Variants in ARHGAP15 observed in about 807,000 individuals in gnomAD.
The protein encoded by ARHGAP15 is Rho GTPase activating protein 15, also known as rho GTPase-activating protein 15.
In ARHGAP15, 51 loss-of-function variants were observed where a neutral mutation model predicts 63.7. The ratio of observed to expected loss-of-function variants is 0.80; its 90% CI spans 0.64 to 1.01. The LOEUF (loss-of-function observed/expected upper bound fraction) is 1.01, where lower values mean the gene tolerates loss of function less well. Ranked by LOEUF, ARHGAP15 falls within the 50% of genes least tolerant of loss-of-function variation. The pLI is 0.00. For synonymous variants in ARHGAP15, 191 were observed against 193.8 expected (o/e 0.99, Z 0.12); for missense variants, 560 against 564.6 (o/e 0.99, Z 0.08).
intron 8 of ARHGAP15, among the ~76,000 whole-genome samples, chr2:143,459,569 G>T (rs917422687): frequency 6.6e-6 from 1 of 151,978 alleles, no homozygotes; most frequent in African/African-American, 2.4e-5. Context: ...TATCTGTATT[G>T]CATACCTATG....
intron 5 of ARHGAP15, among the ~76,000 whole-genome samples, chr2:143,240,234 T>C (rs1361094553): frequency 6.6e-6 from 1 of 151,798 alleles, no homozygotes; most frequent in Non-Finnish European, 1.5e-5. Context: ...TTTTAAAAAA[T>C]ATTGTTTACT....
At chr2:143,335,875 A>C (rs747409644) in intron 6 of ARHGAP15, among the ~76,000 whole-genome samples, 4 of 152,232 alleles carry the variant, frequency 2.6e-5, no homozygotes, top group Non-Finnish European at 5.9e-5. Flanking sequence ...CACTCCAAGA[A>C]GACAGGCACA....
At chr2:143,345,658 T>C (rs2105297459) in intron 6 of ARHGAP15, among the ~76,000 whole-genome samples, 2 of 152,224 alleles carry the variant, frequency 1.3e-5, no homozygotes, top group Admixed American at 1.3e-4. Flanking sequence ...TTTTGCAGGC[T>C]TTGGGTACAG....
chr2:143,143,291 C>T (rs983705657), intron 1 of ARHGAP15, among the ~76,000 whole-genome samples: 3 of 152,006 alleles, frequency 2.0e-5, no homozygotes, highest in Non-Finnish European at 4.4e-5. Flanking sequence ...TCAAGAGAAC[C>T]TTCAGTTATT....
At chr2:143,653,284 A>G (rs930302454) in intron 12 of ARHGAP15, among the ~76,000 whole-genome samples, 3 of 152,088 alleles carry the variant, frequency 2.0e-5, no homozygotes, top group African/African-American at 7.2e-5. Context: ...TAGAATTTTC[A>G]TATCTATATT....
At chr2:143,553,128 T>G (rs1023988358) in intron 10 of ARHGAP15, among the ~76,000 whole-genome samples, 2 of 152,190 alleles carry the variant, frequency 1.3e-5, no homozygotes, top group Non-Finnish European at 2.9e-5. Context: ...ACTTTGGGTT[T>G]GCTGTTCTGT....
At chr2:143,250,701 C>T (rs1053330217) in intron 6 of ARHGAP15, 101 bp downstream of exon 6, 14 of 894,918 alleles carry the variant, frequency 1.6e-5, no homozygotes, top group Admixed American at 7.0e-5. Context: ...TGCTCATGTA[C>T]ATGAACTCGT....
At chr2:143,568,292 A>G (rs1464378925) in intron 11 of ARHGAP15, among the ~76,000 whole-genome samples, 4 of 151,856 alleles carry the variant, frequency 2.6e-5, no homozygotes. Context: ...GCTAATATCC[A>G]GAATCTACAA....
chr2:143,202,089 T>C (rs1692141520), intron 2 of ARHGAP15, 45 bp from the exon 3 acceptor site: 1 of 1,484,236 alleles, frequency 6.7e-7, no homozygotes, highest in Non-Finnish European at 9.4e-7. Context: ...CTAAACTCTA[T>C]CAAGAAAAAT....
intron 6 of ARHGAP15, among the ~76,000 whole-genome samples, chr2:143,413,546 G>A (rs1040372684): frequency 3.3e-5 from 5 of 152,106 alleles, no homozygotes; most frequent in Non-Finnish European, 2.9e-5. Context: ...ATAGCTCACC[G>A]TAATCTTGTG....
chr2:143,526,690 G>A (rs189547229), intron 10 of ARHGAP15, among the ~76,000 whole-genome samples: 35 of 152,158 alleles, frequency 2.3e-4, no homozygotes, highest in African/African-American at 7.7e-4. Flanking sequence ...TTTTAGCCTG[G>A]AAGCAAATGT....
chr2:143,596,468 G>C (rs894972600), intron 11 of ARHGAP15, among the ~76,000 whole-genome samples: 2 of 152,070 alleles, frequency 1.3e-5, no homozygotes, highest in Non-Finnish European at 2.9e-5. Context: ...GCAACTCATA[G>C]TCTGCCTTTA....
At chr2:143,168,497 T>C (rs1389153267) in intron 2 of ARHGAP15, among the ~76,000 whole-genome samples, 1 of 152,112 alleles carries the variant, frequency 6.6e-6, no homozygotes, top group African/African-American at 2.4e-5. Context: ...AATTTTAGTC[T>C]CTTAAATTAT....
intron 11 of ARHGAP15, among the ~76,000 whole-genome samples, chr2:143,580,162 G>T (rs562409636): frequency 6.6e-6 from 1 of 151,776 alleles, no homozygotes; most frequent in South Asian, 2.1e-4. Flanking sequence ...TTCATTTTAT[G>T]TAATGGTGAC....
At chr2:143,305,652 ATAG>A (rs1683132392) in intron 6 of ARHGAP15, among the ~76,000 whole-genome samples, 1 of 152,146 alleles carries the variant, frequency 6.6e-6, no homozygotes. Flanking sequence ...ATTAAATATA[ATAG>A]TGGTAAAATT....
At chr2:143,563,703 GATCATCACCATCATC>G (rs1418726295) in intron 11 of ARHGAP15, among the ~76,000 whole-genome samples, 10 of 152,142 alleles carry the variant, frequency 6.6e-5, no homozygotes, top group Non-Finnish European at 1.0e-4. Flanking sequence ...ATTCCATCAT[GATCATCACCATCATC>G]ATCATCACAA....
chr2:143,613,149 G>C (rs573744852), intron 11 of ARHGAP15, among the ~76,000 whole-genome samples: 80 of 141,680 alleles, frequency 5.6e-4, no homozygotes, highest in African/African-American at 1.9e-3. Flanking sequence ...GATTGCAAAA[G>C]GATCTTAAGT....
intron 6 of ARHGAP15, among the ~76,000 whole-genome samples, chr2:143,410,479 G>A (rs889808671): frequency 3.9e-5 from 6 of 152,094 alleles, no homozygotes; most frequent in Non-Finnish European, 8.8e-5. Context: ...ATCCTGGAGG[G>A]GAAGAAAGCA....
intron 13 of ARHGAP15, among the ~76,000 whole-genome samples, chr2:143,738,959 A>T (rs1176063207): frequency 6.6e-6 from 1 of 152,188 alleles, no homozygotes; most frequent in East Asian, 1.9e-4. Flanking sequence ...GTGAATGATC[A>T]TGGATCATTT....
Sources: allele counts gnomAD v4.1 joint callset (sites outside exome capture counted in the v4.1 genomes callset), GRCh38; gene constraint gnomAD v4.1.1; transcripts MANE v1.5; gene names NCBI Gene and HGNC (gene_info 2026-07-23, HGNC 2026-07-21).